Variants in PLCE1 observed in about 807,000 individuals in gnomAD.
The protein encoded by PLCE1 is phospholipase C epsilon 1, also known as 1-phosphatidylinositol 4,5-bisphosphate phosphodiesterase epsilon-1.
PLCE1 carries 119 observed loss-of-function variants against 242.8 expected under a neutral mutation model. That is an observed-to-expected ratio of 0.49 (90% CI 0.42 to 0.57). The LOEUF is 0.57. Ranked by LOEUF, PLCE1 falls within the 20% of genes least tolerant of loss-of-function variation. The pLI is 0.00. For synonymous variants in PLCE1, 945 were observed against 1,017.4 expected, an observed-to-expected ratio of 0.93 and a Z score of 1.35; for missense variants, 2,441 against 2,788.8, an observed-to-expected ratio of 0.88 and a Z score of 2.81.
intron 20 of PLCE1, among the ~76,000 whole-genome samples, chr10:94,281,590 G>C (rs2052224391): frequency 6.6e-6 from 1 of 152,198 alleles, no homozygotes. Flanking sequence ...CTCTGTTCCA[G>C]TAGACTGTGA....
chr10:94,256,516 T>C (rs2051108402), intron 11 of PLCE1, among the ~76,000 whole-genome samples: 1 of 152,148 alleles, frequency 6.6e-6, no homozygotes, highest in Admixed American at 6.5e-5. Context: ...TGGGAATTCT[T>C]TGTACCACTC....
At chr10:94,174,306 A>T (rs1428826063) in intron 4 of PLCE1, among the ~76,000 whole-genome samples, 1 of 152,212 alleles carries the variant, frequency 6.6e-6, no homozygotes, top group Non-Finnish European at 1.5e-5. Context: ...TAGGGACAGC[A>T]CTTACTTATA....
chr10:94,255,021 C>T lies in PLCE1; in HGVS notation c.3526C>T (p.Leu1176=). The change falls in exon 11 of 33, where the codon CTG becomes TTG. Residue 1176 remains leucine, a synonymous_variant. Transcript: ENST00000371380. ...CATCAGGCCAGTGTCCTCCCCTGTG[C>T]TGTCTTCTTCAAACAAGAGCCCATC... ...SPIRPVSSPV[L]SSSNKSPSSA... 1 of 1,614,154 alleles carries T rather than the reference C, an allele frequency of 6.2e-7. No individual in the cohort carries two copies. Among genetic ancestry groups the T allele is most frequent in the Non-Finnish European group, 8.5e-7 (1 of 1,180,004 alleles).
chr10:94,002,464 C>T (rs775817974), intron 1 of PLCE1, among the ~76,000 whole-genome samples: 12 of 152,290 alleles, frequency 7.9e-5, no homozygotes, highest in Non-Finnish European at 1.6e-4. Flanking sequence ...TTCTAATGAA[C>T]TATCACTATC....
At chr10:94,017,168 C>A (rs2134330534) in intron 1 of PLCE1, among the ~76,000 whole-genome samples, 1 of 152,212 alleles carries the variant, frequency 6.6e-6, no homozygotes, top group African/African-American at 2.4e-5. Context: ...TCAGAGCCAC[C>A]CTGCTTGCTT....
chr10:94,146,653 G>A (rs1313892255), intron 3 of PLCE1, among the ~76,000 whole-genome samples: 1 of 152,168 alleles, frequency 6.6e-6, no homozygotes, highest in South Asian at 2.1e-4. Flanking sequence ...GAACTCACTG[G>A]ACGCCTTTCA....
rs534631050 is a variant in PLCE1, at chr10:94,206,037, A to G, written c.1810-21269A>G. ...TTAGATGGAGACAGATTAGAGAAAT[A>G]AGATAAATATACCCTATGATAAGCG... is the stretch of plus-strand genomic sequence containing the variant. On this transcript the variant is annotated intron_variant, in intron 4 of 32. Transcript: ENST00000371380. Among the ~76,000 whole-genome samples, 31 of 152,376 alleles carry G rather than the reference A, an allele frequency of 2.0e-4. 1 individual carries two copies. In the South Asian group the frequency reaches 6.2e-3, roughly 31 times the overall value.
At chr10:94,139,311 G>C (rs1323614869) in intron 3 of PLCE1, 1 of 156,382 alleles carries the variant, frequency 6.4e-6, no homozygotes, top group Non-Finnish European at 1.5e-5. Flanking sequence ...ACAACAAATT[G>C]CCTGTGAGGA....
At chr10:94,184,250 C>A (rs1360831995) in intron 4 of PLCE1, among the ~76,000 whole-genome samples, 1 of 152,176 alleles carries the variant, frequency 6.6e-6, no homozygotes, top group Non-Finnish European at 1.5e-5. Context: ...TCAACGGCCC[C>A]CCTTTGCGTT....
At chr10:94,173,790 A>T (rs374939267) in intron 4 of PLCE1, among the ~76,000 whole-genome samples, 2 of 152,212 alleles carry the variant, frequency 1.3e-5, no homozygotes, top group Non-Finnish European at 2.9e-5. Flanking sequence ...AAACACTTAA[A>T]CTACTTAAGA....
chr10:94,215,399 G>T (rs1045635929), intron 4 of PLCE1, among the ~76,000 whole-genome samples: 2 of 152,200 alleles, frequency 1.3e-5, no homozygotes, highest in African/African-American at 4.8e-5. Flanking sequence ...CATCCAAGGA[G>T]CTCCATCTGC....
At chr10:94,105,437 C>T (rs2045692235) in intron 2 of PLCE1, 1 of 152,218 alleles carries the variant, frequency 6.6e-6, no homozygotes, top group Non-Finnish European at 1.5e-5. Context: ...GTATTAGGCA[C>T]TTATCACCAC....
intron 4 of PLCE1, among the ~76,000 whole-genome samples, chr10:94,210,698 G>T (rs1423069381): frequency 1.3e-5 from 2 of 152,140 alleles, no homozygotes; most frequent in African/African-American, 4.8e-5. Context: ...GTGAGCAGCT[G>T]CTCCCTCCTT....
At chr10:94,185,494 C>T (rs1382851508) in intron 4 of PLCE1, among the ~76,000 whole-genome samples, 1 of 151,866 alleles carries the variant, frequency 6.6e-6, no homozygotes, top group Non-Finnish European at 1.5e-5. Context: ...GAAACTCCAC[C>T]TAAAAAGAAA....
intron 2 of PLCE1, among the ~76,000 whole-genome samples, chr10:94,095,497 C>G (rs1474641659): frequency 6.6e-6 from 1 of 152,156 alleles, no homozygotes; most frequent in Non-Finnish European, 1.5e-5. Context: ...GCAGGGACTA[C>G]AGGCATGCAC....
intron 8 of PLCE1, among the ~76,000 whole-genome samples, chr10:94,249,822 T>C (rs4917450): frequency 0.27 from 41,587 of 151,978 alleles, 5,744 homozygotes; most frequent in Middle Eastern, 0.35. Flanking sequence ...ACAGAACTGA[T>C]GGCCCATAAT....
chr10:94,071,620 T>C (rs1326368053), intron 2 of PLCE1, among the ~76,000 whole-genome samples: 1 of 148,246 alleles, frequency 6.7e-6, no homozygotes, highest in Non-Finnish European at 1.5e-5. Flanking sequence ...CTACTCATCC[T>C]CCCCAGTATC....
intron 4 of PLCE1, among the ~76,000 whole-genome samples, chr10:94,199,810 TG>T (rs1218157047): frequency 2.0e-5 from 3 of 152,044 alleles, no homozygotes; most frequent in Admixed American, 6.6e-5. Flanking sequence ...CAATGTGACG[TG>T]CTGTGGAAGA....
In PLCE1 at chr10:94,071,495, G is replaced by GTTTTTTTTTTTTTTTTTTTTTTTT. The variant is rs559496577; in HGVS notation, c.1206+39264_1206+39265insTTTTTTTTTTTTTTTTTTTTTTTT. Among the ~76,000 whole-genome samples the GTTTTTTTTTTTTTTTTTTTTTTTT allele has an allele frequency of 1.6e-4, 13 of 83,308 alleles. 2 individuals are homozygous for GTTTTTTTTTTTTTTTTTTTTTTTT. Among genetic ancestry groups the GTTTTTTTTTTTTTTTTTTTTTTTT allele is most frequent in the African/African-American group, 5.9e-4 (11 of 18,670 alleles). 54.7% of individuals were successfully genotyped at this position (83,308 alleles called of 152,430 possible). ...GTCTGTGTGTGTGTGTTTGGTTTTC[G>GTTTTTTTTTTTTTTTTTTTTTTTT]TTTTTTTTTTTTTTTTTTTTTGAGT... On this transcript the variant is annotated intron_variant, in intron 2 of 32. Transcript: ENST00000371380.
Sources: allele counts gnomAD v4.1 joint callset (sites outside exome capture counted in the v4.1 genomes callset), GRCh38; gene constraint gnomAD v4.1.1; transcripts MANE v1.5; gene names NCBI Gene and HGNC (gene_info 2026-07-23, HGNC 2026-07-21).